The following AFAP1L2 variants were observed in gnomAD, a reference collection of about 807,000 sequenced individuals.
AFAP1L2 encodes actin filament associated protein 1 like 2.
Under a neutral mutation model 99.3 loss-of-function variants are expected in AFAP1L2, and 46 were observed. That is an observed-to-expected ratio of 0.46 (90% CI 0.37 to 0.59). The LOEUF is 0.59. AFAP1L2 is among the 20% of genes least tolerant of loss of function. The pLI is 0.00. For missense variants in AFAP1L2, 959 were observed against 1,034.9 expected (o/e 0.93, Z 1.01); for synonymous variants, 397 against 419.1 (o/e 0.95, Z 0.64).
chr10:114,300,099 C>T, intron 15 of AFAP1L2, 95 bp downstream of exon 15: 1 of 1,535,578 alleles, frequency 6.5e-7, no homozygotes, highest in Admixed American at 1.8e-5. Flanking sequence ...TAATAAACGC[C>T]CTTTCATATA....
At chr10:114,386,622 C>A (rs914959956) in intron 1 of AFAP1L2, among the ~76,000 whole-genome samples, 2 of 152,108 alleles carry the variant, frequency 1.3e-5, no homozygotes, top group Admixed American at 1.3e-4. Flanking sequence ...AGCAGCCCTG[C>A]CCTACCCAGG....
the AFAP1L2 span, among the ~76,000 whole-genome samples, chr10:114,287,905 C>T: frequency 6.6e-6 from 1 of 152,056 alleles, no homozygotes; most frequent in South Asian, 2.1e-4. Context: ...TTTTTGTGTT[C>T]CAGAATCCCA....
intron 1 of AFAP1L2, chr10:114,363,177 G>C (rs2052692057): frequency 1.0e-6 from 1 of 985,190 alleles, no homozygotes; most frequent in African/African-American, 1.7e-5. Flanking sequence ...GGGTTCCTGG[G>C]AATCAAGGAG....
At chr10:114,286,310 T>C in the AFAP1L2 span, 1 of 1,611,910 alleles carries the variant, frequency 6.2e-7, no homozygotes, top group Non-Finnish European at 8.5e-7. Context: ...TGAGTCACAC[T>C]CCGAGGATGA....
intron 1 of AFAP1L2, among the ~76,000 whole-genome samples, chr10:114,382,903 T>C (rs574053763): frequency 2.6e-5 from 4 of 152,300 alleles, no homozygotes; most frequent in East Asian, 1.9e-4. Flanking sequence ...CAATATTATG[T>C]ATATTTCAAA....
At chr10:114,297,514 A>G in intron 16 of AFAP1L2, 101 bp from the exon 17 acceptor site, 1 of 1,266,724 alleles carries the variant, frequency 7.9e-7, no homozygotes, top group South Asian at 1.4e-5. Flanking sequence ...CCACCCGAGA[A>G]GGACCACAGG....
At chr10:114,342,893 C>T (rs2049013094) in intron 1 of AFAP1L2, among the ~76,000 whole-genome samples, 1 of 152,272 alleles carries the variant, frequency 6.6e-6, no homozygotes, top group Non-Finnish European at 1.5e-5. Context: ...CATTTAGCTG[C>T]AAGCTCCAAG....
At chr10:114,284,820 C>G in the AFAP1L2 span, 2 of 1,551,572 alleles carry the variant, frequency 1.3e-6, no homozygotes, top group Non-Finnish European at 1.7e-6. Flanking sequence ...CTCCACTCCT[C>G]TGTGCTGCGG....
intron 10 of AFAP1L2, 128 bp from the exon 11 acceptor site, chr10:114,305,058 T>G: frequency 1.5e-5 from 9 of 620,272 alleles, no homozygotes; most frequent in Admixed American, 2.7e-5. Flanking sequence ...GGGAAGCGGA[T>G]GCGGATGCAA....
rs1554926983 is a variant in AFAP1L2 at position 114,349,399 on chromosome 10, A to AAAAAG, written c.17-8673_17-8669dup. Among the ~76,000 whole-genome samples the AAAAAG allele has an allele frequency of 2.4e-3, 337 of 141,618 alleles. 2 individuals carry two copies. Among genetic ancestry groups the AAAAAG allele is most frequent in the Middle Eastern group, 3.8e-3 (1 of 266 alleles). 92.9% of individuals were successfully genotyped at this position (141,618 alleles called of 152,430 possible). ...ACTCGGTCTCAAAAAAAAAAAAAAA[A>AAAAAG]AAAAGAAAAGAAAAGAGAAACAAAA... is the stretch of plus-strand genomic sequence containing the variant. On this transcript the variant is annotated intron_variant, in intron 1 of 18. Transcript: ENST00000304129.
rs942161229 is a variant in AFAP1L2, at chr10:114,323,175, G to C, written c.402C>G (p.Leu134=). The part of the protein sequence containing the change: ...YEEAEPYDTS[L]NEDGEAVSSS... ...GCCCCAGCCGCTGGGATGTACCATTGAGGGATGTGTCATATGGCTCAGCCT... is the reference window on the plus strand; with the variant it reads ...GCCCCAGCCGCTGGGATGTACCATTCAGGGATGTGTCATATGGCTCAGCCT... Residue 134 remains leucine, a synonymous_variant, in exon 5 of 19, where the codon CTC becomes CTG. Transcript: ENST00000304129. 3 of 1,594,136 alleles carry C rather than the reference G, an allele frequency of 1.9e-6. No homozygotes were observed. The highest frequency in any genetic ancestry group is 2.6e-6 in the Non-Finnish European group (3 of 1,168,816).
chr10:114,290,408 A>T (rs892890686), downstream of AFAP1L2: 25 of 1,545,412 alleles, frequency 1.6e-5, no homozygotes, highest in Non-Finnish European at 2.0e-5. Flanking sequence ...CAGGGATGGT[A>T]TTGCGAGTCC....
At chr10:114,316,737 C>T (rs1180601448) in intron 5 of AFAP1L2, among the ~76,000 whole-genome samples, 2 of 152,188 alleles carry the variant, frequency 1.3e-5, no homozygotes, top group South Asian at 2.1e-4. Context: ...ATCTGTCCAT[C>T]GATTGATTGA....
At chr10:114,286,605 T>C in the AFAP1L2 span, 2 of 1,101,194 alleles carry the variant, frequency 1.8e-6, no homozygotes, top group Middle Eastern at 2.6e-4. Flanking sequence ...TGCCAGTGCC[T>C]CTTCTAGGGG....
At chr10:114,313,545 A>C (rs1471960891) in intron 7 of AFAP1L2, among the ~76,000 whole-genome samples, 3 of 152,156 alleles carry the variant, frequency 2.0e-5, no homozygotes, top group Non-Finnish European at 2.9e-5. Flanking sequence ...TAAAGATGCT[A>C]ATAGTCCTGG....
At chr10:114,315,253 C>G (rs1028825000) in intron 6 of AFAP1L2, among the ~76,000 whole-genome samples, 1 of 150,996 alleles carries the variant, frequency 6.6e-6, no homozygotes, top group African/African-American at 2.4e-5. Flanking sequence ...GAAAAAGGAC[C>G]AGGGGACAGA....
At chr10:114,336,298 G>T (rs1253869770) in intron 2 of AFAP1L2, among the ~76,000 whole-genome samples, 1 of 152,258 alleles carries the variant, frequency 6.6e-6, no homozygotes, top group Non-Finnish European at 1.5e-5. Context: ...AGGCCAGACT[G>T]CTCAGTCCTG....
At chr10:114,397,679 A>G (rs2057855510) in intron 1 of AFAP1L2, among the ~76,000 whole-genome samples, 1 of 152,174 alleles carries the variant, frequency 6.6e-6, no homozygotes, top group African/African-American at 2.4e-5. Flanking sequence ...CAATTTGGGA[A>G]AGCTACCTCC....
rs2054922645 is a variant in AFAP1L2, at chr10:114,377,204, A to T, written c.16+27236T>A. Among the ~76,000 whole-genome samples, 1 of 152,278 alleles carries T rather than the reference A, an allele frequency of 6.6e-6. No individual in the cohort carries two copies. Among genetic ancestry groups the T allele is most frequent in the Non-Finnish European group, 1.5e-5 (1 of 68,046 alleles). ...CCAAATATGAGATACTATGAACTCC[A>T]TCTAACCTAGCACACAAACAGTTAT... On this transcript the variant is annotated intron_variant, in intron 1 of 18. Coordinates refer to ENST00000304129, the MANE Select transcript of AFAP1L2 (RefSeq NM_001001936.3). The surrounding 1 kb of genome is among the most constrained non-coding windows in gnomAD (Gnocchi z 4.0).
Sources: allele counts gnomAD v4.1 joint callset (sites outside exome capture counted in the v4.1 genomes callset), GRCh38; gene constraint gnomAD v4.1.1; non-coding constraint Gnocchi (gnomAD v3.1); transcripts MANE v1.5; gene names NCBI Gene and HGNC (gene_info 2026-07-23, HGNC 2026-07-21).